Variants in HS6ST3 observed in about 807,000 individuals in gnomAD.
HS6ST3 encodes the protein heparan sulfate 6-O-sulfotransferase 3.
In HS6ST3, 12 loss-of-function variants were observed where a neutral mutation model predicts 36.7. The observed-to-expected ratio is 0.33, with a 90% CI of 0.21 to 0.53. The LOEUF is 0.53. Ranked by LOEUF, HS6ST3 falls within the 20% of genes least tolerant of loss-of-function variation. The pLI is 0.95. For missense variants in HS6ST3, 584 were observed against 640.9 expected (o/e 0.91, Z 0.96); for synonymous variants, 240 against 257.5 (o/e 0.93, Z 0.65).
At chr13:96,796,609 T>C (rs765114970) in intron 1 of HS6ST3, among the ~76,000 whole-genome samples, 14 of 152,220 alleles carry the variant, frequency 9.2e-5, no homozygotes, top group South Asian at 6.2e-4. Context: ...GCTTTATAAT[T>C]ATGAGACCTT....
At chr13:96,501,238 C>T (rs909087167) in intron 1 of HS6ST3, among the ~76,000 whole-genome samples, 2 of 152,024 alleles carry the variant, frequency 1.3e-5, no homozygotes, top group African/African-American at 2.4e-5. Flanking sequence ...TCTGTTTGCT[C>T]GACAGAAGGG....
intron 1 of HS6ST3, among the ~76,000 whole-genome samples, chr13:96,737,450 C>T (rs1321347807): frequency 6.6e-6 from 1 of 150,602 alleles, no homozygotes; most frequent in Admixed American, 6.6e-5. Flanking sequence ...AAGGTGAAAC[C>T]CCGTCTCTAC....
intron 1 of HS6ST3, among the ~76,000 whole-genome samples, chr13:96,103,634 A>G (rs1416867461): frequency 2.0e-5 from 3 of 152,216 alleles, no homozygotes; most frequent in South Asian, 4.1e-4. Flanking sequence ...GTACTGTGCT[A>G]TACAAATTTA....
At chr13:96,355,240 G>T (rs969028414) in intron 1 of HS6ST3, among the ~76,000 whole-genome samples, 1 of 152,048 alleles carries the variant, frequency 6.6e-6, no homozygotes, top group African/African-American at 2.4e-5. Context: ...GTGATTCATG[G>T]GAGGAGGTCA....
chr13:96,824,208 G>C (rs900393705), intron 1 of HS6ST3, among the ~76,000 whole-genome samples: 2 of 152,220 alleles, frequency 1.3e-5, no homozygotes, highest in Non-Finnish European at 2.9e-5. Flanking sequence ...GGGTCTGACT[G>C]CCTTCTAAGT....
chr13:96,744,417 T>C (rs1034432015), intron 1 of HS6ST3, among the ~76,000 whole-genome samples: 5 of 152,028 alleles, frequency 3.3e-5, no homozygotes, highest in Non-Finnish European at 5.9e-5. Flanking sequence ...AACTCCTACA[T>C]AGAGGGAAGA....
chr13:96,563,477 A>G (rs944168960), intron 1 of HS6ST3, among the ~76,000 whole-genome samples: 3 of 152,076 alleles, frequency 2.0e-5, no homozygotes, highest in Non-Finnish European at 2.9e-5. Flanking sequence ...TTTATTTTTA[A>G]AAGTTGAGAA....
At chr13:96,656,201 C>A (rs1423432993) in intron 1 of HS6ST3, among the ~76,000 whole-genome samples, 1 of 152,100 alleles carries the variant, frequency 6.6e-6, no homozygotes, top group Non-Finnish European at 1.5e-5. Flanking sequence ...TAAATTAGAA[C>A]AATGAGTCTA....
intron 1 of HS6ST3, among the ~76,000 whole-genome samples, chr13:96,207,315 T>C (rs114469191): frequency 3.3e-5 from 5 of 152,098 alleles, no homozygotes; most frequent in African/African-American, 1.2e-4. Flanking sequence ...CAGATGCTGG[T>C]TAAGGTTGCA....
At chr13:96,490,736 G>A (rs2055940616) in intron 1 of HS6ST3, among the ~76,000 whole-genome samples, 1 of 152,172 alleles carries the variant, frequency 6.6e-6, no homozygotes, top group Non-Finnish European at 1.5e-5. Flanking sequence ...TATCTACAAA[G>A]TGGTAATGCA....
At chr13:96,499,349 A>G (rs1296925515) in intron 1 of HS6ST3, among the ~76,000 whole-genome samples, 2 of 152,130 alleles carry the variant, frequency 1.3e-5, no homozygotes, top group African/African-American at 4.8e-5. Flanking sequence ...TCTTCAACAA[A>G]TGATCATTGA....
At chr13:96,158,933 G>T (rs1176006272) in intron 1 of HS6ST3, among the ~76,000 whole-genome samples, 1 of 152,112 alleles carries the variant, frequency 6.6e-6, no homozygotes, top group Non-Finnish European at 1.5e-5. Context: ...AGGTCTGGGG[G>T]CAAGGACACA....
chr13:96,500,068 T>C (rs74982526), intron 1 of HS6ST3, among the ~76,000 whole-genome samples: 18 of 152,290 alleles, frequency 1.2e-4, no homozygotes, highest in African/African-American at 4.1e-4. Context: ...CGTATACTTG[T>C]TAGTGATCAG....
chr13:96,094,971 GC>G (rs1189109629), intron 1 of HS6ST3, among the ~76,000 whole-genome samples: 1 of 151,990 alleles, frequency 6.6e-6, no homozygotes, highest in Non-Finnish European at 1.5e-5. Context: ...CATGTCCAGA[GC>G]CTTAAAAGAC....
chr13:96,734,386 T>C (rs1407726005), intron 1 of HS6ST3, among the ~76,000 whole-genome samples: 1 of 152,248 alleles, frequency 6.6e-6, no homozygotes, highest in Non-Finnish European at 1.5e-5. Context: ...AACTATGATT[T>C]CTCTTACATT....
intron 1 of HS6ST3, among the ~76,000 whole-genome samples, chr13:96,600,893 G>T (rs1327929495): frequency 2.0e-5 from 3 of 151,886 alleles, no homozygotes; most frequent in Non-Finnish European, 4.4e-5. Flanking sequence ...TTGCTTGTCT[G>T]GGAAATACTT....
At chr13:96,540,809 T>C (rs1410217606) in intron 1 of HS6ST3, among the ~76,000 whole-genome samples, 1 of 152,200 alleles carries the variant, frequency 6.6e-6, no homozygotes, top group Non-Finnish European at 1.5e-5. Flanking sequence ...GAGGACCTTC[T>C]GGAATTAGAT....
At position 96,733,940 on chromosome 13, in the gene HS6ST3, T is replaced by G. The variant is rs143445188; in HGVS notation, c.708-98550T>G. Among the ~76,000 whole-genome samples, 921 of 152,308 alleles carry G rather than the reference T, an allele frequency of 6.0e-3. 8 individuals are homozygous for G. Among genetic ancestry groups the G allele is most frequent in the African/African-American group, 0.02 (825 of 41,574 alleles). ...CACCACAGCCTTGCACCTAGACCAC[T>G]GCTACAGACTTTAAATTTTTCTGTT... On this transcript the variant is annotated intron_variant, in intron 1 of 1. Transcript: ENST00000376705.
At chr13:96,628,260 T>A (rs1484189813) in intron 1 of HS6ST3, among the ~76,000 whole-genome samples, 7 of 151,992 alleles carry the variant, frequency 4.6e-5, no homozygotes, top group African/African-American at 1.7e-4. Flanking sequence ...ATTTCCTCTA[T>A]AATCTACGTT....
Sources: gnomAD v4.1 joint callset for allele counts (sites outside exome capture counted in the v4.1 genomes callset) on GRCh38, gnomAD v4.1.1 for gene constraint, MANE v1.5 for transcripts, NCBI Gene and HGNC (gene_info 2026-07-23, HGNC 2026-07-21) for gene names.